OXTR: variants seen among roughly 807,000 people sequenced by gnomAD.
OXTR encodes oxytocin receptor.
OXTR carries 19 observed loss-of-function variants against 23.9 expected under a neutral mutation model. The observed-to-expected ratio is 0.80, with a 90% confidence interval of 0.56 to 1.17. The LOEUF is 1.17. Ranked by LOEUF, OXTR falls within the 50% of genes most tolerant of loss-of-function variation. The pLI is 0.00. For synonymous variants in OXTR, 278 were observed against 250.5 expected, an observed-to-expected ratio of 1.11 and a Z score of -1.04; for missense variants, 500 against 550.7, an observed-to-expected ratio of 0.91 and a Z score of 0.92.
At chr3:8,753,261 A>G (rs766393655) in intron 3 of OXTR, 37 bp from the exon 4 acceptor site, 2 of 1,607,656 alleles carry the variant, frequency 1.2e-6, no homozygotes, top group Non-Finnish European at 1.7e-6. Context: ...AGAAAAGGGC[A>G]TTAATTAACA....
At chr3:8,756,818 G>A (rs1490912612) in intron 3 of OXTR, among the ~76,000 whole-genome samples, 1 of 152,244 alleles carries the variant, frequency 6.6e-6, no homozygotes, top group Non-Finnish European at 1.5e-5. Context: ...GGGCTTCTCT[G>A]AAGGGCCATG....
chr3:8,747,686 C>CG (rs1244546411), downstream of OXTR, among the ~76,000 whole-genome samples: 1 of 152,228 alleles, frequency 6.6e-6, no homozygotes, highest in Admixed American at 6.5e-5. Context: ...TCCACATTGT[C>CG]GGGGGGCTCA....
chr3:8,742,606 A>G, the OXTR span: 4 of 449,214 alleles, frequency 8.9e-6, no homozygotes, highest in South Asian at 6.3e-5. Flanking sequence ...AGAGCACCTG[A>G]AGGAATAATT....
intron 3 of OXTR, among the ~76,000 whole-genome samples, chr3:8,756,617 T>TC (rs1708378972): frequency 1.3e-5 from 2 of 152,152 alleles, no homozygotes; most frequent in Admixed American, 1.3e-4. Flanking sequence ...CAGTGCCCAT[T>TC]CCCCATTTTT....
intron 3 of OXTR, among the ~76,000 whole-genome samples, chr3:8,756,866 G>A (rs1350653281): frequency 6.6e-6 from 1 of 152,166 alleles, no homozygotes; most frequent in Admixed American, 6.5e-5. Context: ...GCCTCCCTCC[G>A]CATTTCCACA....
At position 8,752,226 on chromosome 3, in the gene OXTR, C is replaced by T. The variant is rs1292269437; in HGVS notation, c.*751G>A. On this transcript the variant is annotated 3_prime_UTR_variant, in exon 4 of 4. Transcript: ENST00000316793. ...ACCTTGCGGAACTTGCTTATTAGTT[C>T]TAATAGCTGTGTGCGTGTGTGTGTG... 6.7e-6 allele frequency: 1 copy of T among 148,492 alleles called. No homozygotes were observed. Among genetic ancestry groups the T allele is most frequent in the East Asian group, 1.9e-4 (1 of 5,174 alleles). The allele number at this position is 148,492 out of a possible 1,614,324, so 9.2% of individuals were successfully genotyped here. A position where few individuals can be genotyped will look rare whatever the true frequency, so the allele number is the denominator to read the frequency against.
chr3:8,756,202 G>A (rs1400317504), intron 3 of OXTR, among the ~76,000 whole-genome samples: 1 of 152,172 alleles, frequency 6.6e-6, no homozygotes, highest in East Asian at 1.9e-4. Flanking sequence ...ACAGAAAAAA[G>A]CATGGAAAAT....
downstream of OXTR, chr3:8,745,983 C>T: frequency 1.3e-6 from 1 of 772,082 alleles, no homozygotes; most frequent in Non-Finnish European, 2.1e-6. This position sits in a 1 kb window ranked among gnomAD's most constrained non-coding sequence, Gnocchi z 4.8. Context: ...CTGCTCCATA[C>T]CCCATGATGG....
rs1559661011 is a variant in OXTR at position 8,751,024 on chromosome 3, T to C, written c.*1953A>G. ...CAATTTAAATTTCTACCAGTTTCTC[T>C]ACATCCTCACCGACACTCGTTCTTG... On this transcript the variant is annotated 3_prime_UTR_variant, in exon 4 of 4. Transcript: ENST00000316793. 1 of 152,212 alleles carries C rather than the reference T, an allele frequency of 6.6e-6. No homozygotes were observed. Among genetic ancestry groups the C allele is most frequent in the Non-Finnish European group, 1.5e-5 (1 of 68,042 alleles). The allele number at this position is 152,212 out of a possible 1,614,324, so 9.4% of individuals were successfully genotyped here.
Position 8,751,303 on chromosome 3 carries a change from T to A in OXTR, c.*1674A>T, listed in dbSNP as rs1284088784. 1.3e-5 allele frequency: 2 copies of A among 152,210 alleles called. No individual in the cohort carries two copies. The highest frequency in any genetic ancestry group is 2.9e-5 in the Non-Finnish European group (2 of 68,034). The allele number at this position is 152,210 out of a possible 1,614,324, so 9.4% of individuals were successfully genotyped here. A position where few individuals can be genotyped will look rare whatever the true frequency, so the allele number is the denominator to read the frequency against. ...ACAAGCCCCTTATCATATATATGAC[T>A]CGCAAATATTTTCTCCCATTCTGCA... On this transcript the variant is annotated 3_prime_UTR_variant, in exon 4 of 4. Transcript: ENST00000316793.
chr3:8,742,367 A>AAAAG, the OXTR span: 1 of 346,522 alleles, frequency 2.9e-6, no homozygotes, highest in South Asian at 2.2e-5. Context: ...CACCAAAAAA[A>AAAAG]AAAAAAAGAA....
intron 3 of OXTR, among the ~76,000 whole-genome samples, chr3:8,760,149 C>A (rs1250168681): frequency 6.6e-6 from 1 of 152,204 alleles, no homozygotes; most frequent in Non-Finnish European, 1.5e-5. Context: ...GATATTCCAC[C>A]CTGTATACAA....
downstream of OXTR, among the ~76,000 whole-genome samples, chr3:8,747,143 T>C (rs1005914209): frequency 6.6e-6 from 1 of 152,110 alleles, no homozygotes. Flanking sequence ...ACATTATTCA[T>C]GCCTGGCCAC....
At chr3:8,745,747 C>G, downstream of OXTR, 3 of 1,614,120 alleles carry the variant, frequency 1.9e-6, no homozygotes, top group South Asian at 3.3e-5. This position sits in a 1 kb window ranked among gnomAD's most constrained non-coding sequence, Gnocchi z 4.8. Context: ...GCTACCTGAT[C>G]GAGATCCAGT....
the OXTR span, among the ~76,000 whole-genome samples, chr3:8,742,108 A>G: frequency 6.6e-6 from 1 of 152,158 alleles, no homozygotes; most frequent in African/African-American, 2.4e-5. Flanking sequence ...CTTGTGCTGC[A>G]TGGTACAGCT....
Position 8,753,236 on chromosome 3 carries a change from G to C in OXTR, c.923-12C>G. 6.2e-7 allele frequency: 1 copy of C among 1,613,762 alleles called. No homozygotes were observed. The highest frequency in any genetic ancestry group is 8.5e-7 in the Non-Finnish European group (1 of 1,179,808). The stretch of plus-strand genomic sequence containing the variant: ...GATGAAGGCCGAGGCTGAGGGGGTG[G>C]GGGCAGGAGAAAGGAGAAAAGGGCA... On this transcript the variant is annotated splice_polypyrimidine_tract_variant and intron_variant, in intron 3 of 3. Coordinates refer to ENST00000316793, the MANE Select transcript of OXTR (RefSeq NM_000916.4).
intron 3 of OXTR, among the ~76,000 whole-genome samples, chr3:8,758,324 G>GA (rs1708418565): frequency 6.6e-6 from 1 of 152,108 alleles, no homozygotes; most frequent in Non-Finnish European, 1.5e-5. Context: ...GCCTCTCCGG[G>GA]CTGTGCTGTT....
intron 3 of OXTR, among the ~76,000 whole-genome samples, chr3:8,757,256 T>C (rs1191024589): frequency 6.7e-6 from 1 of 149,198 alleles, no homozygotes; most frequent in Non-Finnish European, 1.5e-5. Flanking sequence ...TGGCAAAGTG[T>C]TTATTCAAGT....
downstream of OXTR, chr3:8,745,622 TGGTGCTACC>T: frequency 6.2e-7 from 1 of 1,614,132 alleles, no homozygotes. This position sits in a 1 kb window ranked among gnomAD's most constrained non-coding sequence, Gnocchi z 4.8. Context: ...CTCCAAGTAC[TGGTGCTACC>T]GTCTGTTGTC....
Sources: gnomAD v4.1 joint callset for allele counts (sites outside exome capture counted in the v4.1 genomes callset) on GRCh38, gnomAD v4.1.1 for gene constraint, Gnocchi (gnomAD v3.1) non-coding constraint, MANE v1.5 for transcripts, NCBI Gene and HGNC (gene_info 2026-07-23, HGNC 2026-07-21) for gene names.